TPM3: variants seen among roughly 807,000 people sequenced by gnomAD.
The protein encoded by TPM3 is tropomyosin 3, also known as tropomyosin alpha-3 chain.
TPM3 carries 16 observed loss-of-function variants against 43.1 expected under a neutral mutation model. The observed-to-expected ratio is 0.37, with a 90% confidence interval of 0.25 to 0.56. TPM3 has a LOEUF of 0.56. TPM3 is among the 20% of genes least tolerant of loss of function. The pLI, the probability that TPM3 is intolerant of heterozygous loss-of-function variation, is 0.77. For missense variants in TPM3, 176 were observed against 337.2 expected (o/e 0.52, Z 3.74); for synonymous variants, 101 against 116.9 (o/e 0.86, Z 0.88).
chr1:154,167,281 G>A lies in TPM3; in HGVS notation c.*656C>T, dbSNP rs12064261. 4.6e-4 allele frequency: 456 copies of A among 981,492 alleles called. No homozygotes were observed. The African/African-American group carries it at 7.6e-3, about 16-fold the overall frequency. The allele number at this position is 981,492 out of a possible 1,614,324, so 60.8% of individuals were successfully genotyped here. A position where few individuals can be genotyped will look rare whatever the true frequency, so the allele number is the denominator to read the frequency against. ...CATTGTGTATTTTTCTGTGACTGGA[G>A]TTGACATAATTAGTCAATCTTAGCA... On this transcript the variant is annotated 3_prime_UTR_variant, in exon 10 of 10. Coordinates refer to ENST00000651641, the MANE Select transcript of TPM3 (RefSeq NM_152263.4).
At chr1:154,180,923 TAA>T (rs1351615918) in intron 2 of TPM3, among the ~76,000 whole-genome samples, 1 of 141,668 alleles carries the variant, frequency 7.1e-6, no homozygotes. Context: ...AGTCTCCATC[TAA>T]AAAAAAAAAG....
chr1:154,183,114 A>G (rs1224805811), intron 2 of TPM3: 1 of 1,598,530 alleles, frequency 6.3e-7, no homozygotes, highest in Admixed American at 1.7e-5. Flanking sequence ...TGGTGATCCC[A>G]GCCATGGTGC....
At chr1:154,173,625 T>C (rs1265711951) in intron 3 of TPM3, among the ~76,000 whole-genome samples, 2 of 151,426 alleles carry the variant, frequency 1.3e-5, no homozygotes, top group African/African-American at 4.9e-5. Context: ...GATCGAGCCA[T>C]TGCACTCCAG....
intron 5 of TPM3, chr1:154,172,682 C>A (rs1661734979): frequency 1.7e-6 from 1 of 604,614 alleles, no homozygotes; most frequent in Non-Finnish European, 2.9e-6. Context: ...AATTTGTAAA[C>A]CCTACCAACA....
In TPM3 at chr1:154,187,653, G is replaced by A. The variant is rs1663465927; in HGVS notation, c.243+3533C>T. Among the ~76,000 whole-genome samples, 2 of 151,508 alleles carry A rather than the reference G, an allele frequency of 1.3e-5. 1 individual carries two copies. The highest frequency in any genetic ancestry group is 4.9e-5 in the African/African-American group (2 of 40,814). On this transcript the variant is annotated intron_variant, in intron 2 of 9. Coordinates refer to ENST00000651641, the MANE Select transcript of TPM3 (RefSeq NM_152263.4). ...TAAGATAGACAGAATTCATCCCCAG[G>A]AAATCCTTTTATATTCCTAATGATT...
downstream of TPM3, chr1:154,156,600 G>A (rs143301182): frequency 1.9e-3 from 373 of 198,782 alleles, 1 homozygote; most frequent in African/African-American, 8.1e-3. Flanking sequence ...GCCAGCCCAC[G>A]GACTGCAGAG....
chr1:154,180,376 A>G (rs373718842), intron 2 of TPM3, among the ~76,000 whole-genome samples: 3 of 152,312 alleles, frequency 2.0e-5, no homozygotes, highest in Admixed American at 6.5e-5. Context: ...CCTTAAGAGG[A>G]TAACAGGTAG....
intron 9 of TPM3, 28 bp from the exon 10 acceptor site, chr1:154,167,968 G>A (rs1558038092): frequency 2.5e-6 from 4 of 1,613,852 alleles, no homozygotes; most frequent in South Asian, 1.1e-5. Context: ...GATACTCTAG[G>A]TGAGAAGGAC....
At chr1:154,161,437 CTTTTT>C (rs966387714), downstream of TPM3, among the ~76,000 whole-genome samples, 8 of 113,406 alleles carry the variant, frequency 7.1e-5, no homozygotes, top group African/African-American at 2.8e-4. Flanking sequence ...TATCAGGATC[CTTTTT>C]TTTTTTTTTT....
intron 2 of TPM3, among the ~76,000 whole-genome samples, chr1:154,182,643 T>C (rs999756506): frequency 6.6e-6 from 1 of 151,562 alleles, no homozygotes; most frequent in East Asian, 1.9e-4. Flanking sequence ...CCACCCTCCA[T>C]GGGGAAGTGG....
Position 154,171,438 on chromosome 1 carries a change from T to C in TPM3, c.617A>G (p.Lys206Arg). The change falls in exon 6 of 10, where the codon AAG becomes AGG. Residue 206 changes from lysine (K) to arginine (R), a missense_variant. Transcript: ENST00000651641. ...CTTCTCCGCCTGAGCCTCAAGAGAC[T>C]TGAGGTTGTTGGTGACATTCTTCAG... ...EELKNVTNNLKSLEAQAEKYS... is the reference protein window; with the variant it reads ...EELKNVTNNLRSLEAQAEKYS... The C allele has an allele frequency of 6.2e-7, 1 of 1,614,110 alleles. No individual in the cohort carries two copies. Among genetic ancestry groups the C allele is most frequent in the Non-Finnish European group, 8.5e-7 (1 of 1,180,008 alleles).
In TPM3 at chr1:154,166,283, T is replaced by TAC. The variant is rs1660949524; in HGVS notation, c.*1652_*1653dup. On this transcript the variant is annotated 3_prime_UTR_variant, in exon 10 of 10. Transcript: ENST00000651641. ...TGCTGTGTTGCCCAGGCTGGAGTAC[T>TAC]ACAGTGGCTATTTATAGGTGCAATC... The TAC allele has an allele frequency of 8.8e-6, 2 of 227,312 alleles. No individual in the cohort carries two copies. The highest frequency in any genetic ancestry group is 3.7e-4 in the South Asian group (2 of 5,454). The allele number at this position is 227,312 out of a possible 1,614,324, so 14.1% of individuals were successfully genotyped here. A position where few individuals can be genotyped will look rare whatever the true frequency, so the allele number is the denominator to read the frequency against.
intron 2 of TPM3, 39 bp from the exon 3 acceptor site, chr1:154,176,287 C>T: frequency 6.2e-7 from 1 of 1,613,940 alleles, no homozygotes; most frequent in Non-Finnish European, 8.5e-7. Context: ...GAAGCAGAGG[C>T]ATGGAGAAAA....
At chr1:154,184,178 C>T (rs1663280548) in intron 2 of TPM3, among the ~76,000 whole-genome samples, 1 of 151,616 alleles carries the variant, frequency 6.6e-6, no homozygotes, top group African/African-American at 2.4e-5. Context: ...TCCCGAGTAG[C>T]GCCCTCCACC....
Position 154,167,940 on chromosome 1 carries a change from T to A in TPM3, c.855A>T (p.Ile285=). 1 of 1,613,786 alleles carries A rather than the reference T, an allele frequency of 6.2e-7. No homozygotes were observed. The highest frequency in any genetic ancestry group is 8.5e-7 in the Non-Finnish European group (1 of 1,179,964). The change falls in exon 10 of 10, where the codon ATA becomes ATT. Residue 285 remains isoleucine (I), a splice_region_variant and synonymous_variant. Transcript: ENST00000651641. ...AACAGAGCAGAAACGGTGATAATTA[T>A]CTGTATGAAAAAGTAAGGATACTCT... ...LDHALNDMTS[I]
chr1:154,171,310 C>G (rs73012900), intron 6 of TPM3, 103 bp downstream of exon 6: 1 of 1,214,672 alleles, frequency 8.2e-7, no homozygotes, highest in African/African-American at 1.5e-5. Context: ...GAAGAGGACA[C>G]GCCTCACTGG....
chr1:154,171,540 A>T (rs761648130), intron 5 of TPM3, 52 bp from the exon 6 acceptor site: 4 of 1,578,828 alleles, frequency 2.5e-6, no homozygotes, highest in Middle Eastern at 1.7e-4. Flanking sequence ...GGAAGAGAAT[A>T]AAAAAAGGGA....
intron 2 of TPM3, among the ~76,000 whole-genome samples, chr1:154,190,791 A>C (rs1663646784): frequency 6.6e-6 from 1 of 152,334 alleles, no homozygotes; most frequent in African/African-American, 2.4e-5. Context: ...GAGGTTCCCT[A>C]TTAATACACA....
intron 3 of TPM3, among the ~76,000 whole-genome samples, 188 bp downstream of exon 3, chr1:154,175,927 T>C (rs1304057772): frequency 2.6e-5 from 4 of 152,200 alleles, no homozygotes; most frequent in African/African-American, 4.8e-5. Context: ...CAATCAGAGC[T>C]CACTGTAGCC....
Sources: gnomAD v4.1 joint callset for allele counts (sites outside exome capture counted in the v4.1 genomes callset) on GRCh38, gnomAD v4.1.1 for gene constraint, MANE v1.5 for transcripts, NCBI Gene and HGNC (gene_info 2026-07-23, HGNC 2026-07-21) for gene names.